The following SEMA3C variants were observed in gnomAD, a reference collection of about 807,000 sequenced individuals.
The protein encoded by SEMA3C is semaphorin 3C, also known as semaphorin-3C.
SEMA3C carries 47 observed loss-of-function variants against 89.4 expected under a neutral mutation model. That is an observed-to-expected ratio of 0.53 (90% confidence interval 0.42 to 0.67). The LOEUF (loss-of-function observed/expected upper bound fraction) is 0.67, where lower values mean the gene tolerates loss of function less well. Among genes scored for constraint, SEMA3C ranks in the 30% least tolerant of loss-of-function variants. The pLI is 0.00. For synonymous variants in SEMA3C, 310 were observed against 320.2 expected, an observed-to-expected ratio of 0.97 and a Z score of 0.34; for missense variants, 839 against 929.1, an observed-to-expected ratio of 0.90 and a Z score of 1.26.
chr7:80,748,430 A>C (rs1056083147), intron 17 of SEMA3C, among the ~76,000 whole-genome samples: 1 of 152,202 alleles, frequency 6.6e-6, no homozygotes, highest in African/African-American at 2.4e-5. Flanking sequence ...AAGAGTTATG[A>C]ATAATAAAAC....
At chr7:80,808,122 A>G (rs2115701366) in intron 6 of SEMA3C, among the ~76,000 whole-genome samples, 1 of 152,298 alleles carries the variant, frequency 6.6e-6, no homozygotes, top group Middle Eastern at 3.4e-3. Context: ...TTGGAAACAA[A>G]TCCAATTCTC....
intron 2 of SEMA3C, among the ~76,000 whole-genome samples, chr7:80,892,261 T>G (rs1015745329): frequency 3.9e-5 from 6 of 152,164 alleles, no homozygotes; most frequent in Non-Finnish European, 8.8e-5. Flanking sequence ...TGTTTTATAA[T>G]TAAAAGTTAA....
intron 2 of SEMA3C, among the ~76,000 whole-genome samples, chr7:80,900,020 T>C (rs533794898): frequency 3.3e-5 from 5 of 152,326 alleles, no homozygotes; most frequent in African/African-American, 1.2e-4. Flanking sequence ...AGTCTGGGAT[T>C]TTCACATAAC....
intron 2 of SEMA3C, among the ~76,000 whole-genome samples, chr7:80,866,206 T>C (rs1387620384): frequency 6.6e-6 from 1 of 152,168 alleles, no homozygotes; most frequent in Non-Finnish European, 1.5e-5. Flanking sequence ...AAACTGATTC[T>C]CAGGGAAGTT....
intron 2 of SEMA3C, among the ~76,000 whole-genome samples, chr7:80,837,396 G>A (rs950680358): frequency 2.6e-5 from 4 of 152,154 alleles, no homozygotes; most frequent in East Asian, 1.9e-4. Flanking sequence ...AGAGTGATGC[G>A]AAAATAATAA....
chr7:80,788,691 T>A (rs998746923), intron 12 of SEMA3C, among the ~76,000 whole-genome samples: 5 of 152,166 alleles, frequency 3.3e-5, no homozygotes, highest in African/African-American at 1.2e-4. Flanking sequence ...AAGAGTGCCA[T>A]CAATATTTTC....
At chr7:80,881,140 T>C (rs1791327584) in intron 2 of SEMA3C, among the ~76,000 whole-genome samples, 1 of 150,644 alleles carries the variant, frequency 6.6e-6, no homozygotes, top group South Asian at 2.1e-4. Flanking sequence ...TTCATGCCTG[T>C]TACTTTTGTT....
rs146671063 is a variant in SEMA3C at position 80,810,656 on chromosome 7, G to T, written c.493C>A (p.Arg165Ser). 5 of 1,613,606 alleles carry T rather than the reference G, an allele frequency of 3.1e-6. No homozygotes were observed. The East Asian group carries it at 1.1e-4, about 36-fold the overall frequency. ...TTCACGTTGGGGTTGAAAGAGCAGC[G>T]TCCTTTTCCAGATTCACACTTGGAG... is the stretch of plus-strand genomic sequence containing the variant. ...IDSKCESGKG[R>S]CSFNPNVNTV... The change falls in exon 6 of 18, where the codon CGC becomes AGC. Residue 165 changes from arginine to serine, a missense_variant. Transcript: ENST00000265361.
intron 2 of SEMA3C, among the ~76,000 whole-genome samples, chr7:80,847,920 G>A (rs1232462260): frequency 1.3e-5 from 2 of 152,130 alleles, no homozygotes; most frequent in African/African-American, 2.4e-5. Context: ...CAGTAAGATC[G>A]TTTCCAGCAT....
chr7:80,874,239 T>C (rs1312853981), intron 2 of SEMA3C, among the ~76,000 whole-genome samples: 2 of 152,246 alleles, frequency 1.3e-5, no homozygotes, highest in East Asian at 1.9e-4. Context: ...ACAAGATAAA[T>C]CATAACAATT....
intron 11 of SEMA3C, among the ~76,000 whole-genome samples, chr7:80,790,525 C>T (rs1788912592): frequency 6.6e-6 from 1 of 152,192 alleles, no homozygotes. Context: ...GAGCCAGCCC[C>T]TCCTACTGTA....
intron 2 of SEMA3C, among the ~76,000 whole-genome samples, chr7:80,884,103 T>C (rs1791416547): frequency 6.6e-6 from 1 of 152,218 alleles, no homozygotes; most frequent in Non-Finnish European, 1.5e-5. Context: ...AATCTATTAA[T>C]AAGCTCATTT....
chr7:80,807,847 AT>A (rs1338270921), intron 6 of SEMA3C, among the ~76,000 whole-genome samples: 2 of 152,174 alleles, frequency 1.3e-5, no homozygotes, highest in Non-Finnish European at 2.9e-5. Context: ...GTACTATTAC[AT>A]GGTTAAGGGA....
intron 2 of SEMA3C, among the ~76,000 whole-genome samples, chr7:80,847,814 A>G (rs1790425204): frequency 6.6e-6 from 1 of 152,144 alleles, no homozygotes; most frequent in South Asian, 2.1e-4. Context: ...GCACAACAAC[A>G]ACCTTGTTCA....
chr7:80,810,456 G>A (rs1396894398), intron 6 of SEMA3C, among the ~76,000 whole-genome samples, 155 bp downstream of exon 6: 5 of 152,054 alleles, frequency 3.3e-5, no homozygotes, highest in African/African-American at 1.2e-4. Flanking sequence ...TTACAAATGA[G>A]AAACTGAACT....
chr7:80,760,119 C>A (rs547001534), intron 14 of SEMA3C, among the ~76,000 whole-genome samples: 4 of 152,162 alleles, frequency 2.6e-5, no homozygotes, highest in African/African-American at 7.2e-5. Flanking sequence ...AATTTGTAGT[C>A]CTCTCGCACT....
intron 2 of SEMA3C, among the ~76,000 whole-genome samples, chr7:80,864,070 G>A (rs373908797): frequency 9.1e-4 from 138 of 151,656 alleles, no homozygotes; most frequent in African/African-American, 3.1e-3. Flanking sequence ...CCATAAAAAC[G>A]AATGAATTAA....
intron 16 of SEMA3C, among the ~76,000 whole-genome samples, chr7:80,749,638 C>G (rs1787880417): frequency 6.6e-6 from 1 of 152,148 alleles, no homozygotes; most frequent in African/African-American, 2.4e-5. Context: ...CTTGATGTCT[C>G]TGTGCTTTAG....
At chr7:80,795,075 T>G (rs1334498024) in intron 11 of SEMA3C, among the ~76,000 whole-genome samples, 1 of 152,164 alleles carries the variant, frequency 6.6e-6, no homozygotes, top group African/African-American at 2.4e-5. Flanking sequence ...GGAAATAAAG[T>G]AGGAAAATCA....
Sources: gnomAD v4.1 joint callset for allele counts (sites outside exome capture counted in the v4.1 genomes callset) on GRCh38, gnomAD v4.1.1 for gene constraint, MANE v1.5 for transcripts, NCBI Gene and HGNC (gene_info 2026-07-23, HGNC 2026-07-21) for gene names.